The following RCSD1 variants were observed in gnomAD, a reference collection of about 807,000 sequenced individuals.
The protein encoded by RCSD1 is RCSD domain containing 1.
Under a neutral mutation model 42.5 loss-of-function variants are expected in RCSD1, and 26 were observed. The ratio of observed to expected loss-of-function variants is 0.61; its 90% confidence interval spans 0.45 to 0.85. The LOEUF is 0.85. Among genes scored for constraint, RCSD1 ranks in the 40% least tolerant of loss-of-function variants. The pLI is 0.00. For missense variants in RCSD1, 571 were observed against 528.3 expected, an observed-to-expected ratio of 1.08 and a Z score of -0.79; for synonymous variants, 220 against 212.2, an observed-to-expected ratio of 1.04 and a Z score of -0.32.
chr1:167,669,681 C>A (rs1213102818), intron 1 of RCSD1, among the ~76,000 whole-genome samples: 1 of 152,184 alleles, frequency 6.6e-6, no homozygotes, highest in Non-Finnish European at 1.5e-5. Flanking sequence ...ATTTCTTCTG[C>A]GTGTGACCTG....
intron 4 of RCSD1, among the ~76,000 whole-genome samples, chr1:167,691,196 CCAA>C (rs1659367827): frequency 6.6e-6 from 1 of 152,200 alleles, no homozygotes. Context: ...GTAGCACTCT[CCAA>C]CAAGTTGTGA....
In RCSD1 at chr1:167,698,120, C is replaced by T. The variant is rs890677125; in HGVS notation, c.1218+278C>T. ...TGGGTGTGTGTGAGTGACCGAGCCT[C>T]GGCACGGCTCAGTAACTGAGGCCTG... On this transcript the variant is annotated intron_variant, in intron 6 of 6. Transcript: ENST00000367854. Among the ~76,000 whole-genome samples, 5 of 152,194 alleles carry T rather than the reference C, an allele frequency of 3.3e-5. No homozygotes were observed. In the East Asian group the frequency reaches 5.8e-4, roughly 18 times the overall value.
chr1:167,707,217 G>A lies in RCSD1; in HGVS notation c.*2521G>A, dbSNP rs1195904803. ...CTCAGAACTCCAGGCCCCTCACGGA[G>A]ATCACCCTGAACAATGCCCAGTTTT... On this transcript the variant is annotated 3_prime_UTR_variant, in exon 7 of 7. Transcript: ENST00000367854. 6.6e-6 allele frequency among the ~76,000 whole-genome samples: 1 copy of A among 152,186 alleles called. No homozygotes were observed. The highest frequency in any genetic ancestry group is 1.5e-5 in the Non-Finnish European group (1 of 68,038).
intron 1 of RCSD1, chr1:167,664,514 T>C (rs556483938): frequency 6.6e-6 from 1 of 152,370 alleles, no homozygotes; most frequent in South Asian, 2.1e-4. Flanking sequence ...ATATCTACAA[T>C]AAAATTCACC....
chr1:167,675,589 A>G (rs1658932280), intron 1 of RCSD1, among the ~76,000 whole-genome samples: 1 of 152,184 alleles, frequency 6.6e-6, no homozygotes, highest in Non-Finnish European at 1.5e-5. Flanking sequence ...ATTTTGGTTC[A>G]GCTGTTTGAC....
In RCSD1 at chr1:167,676,610, A is replaced by G. The variant is rs571784753; in HGVS notation, c.7-7290A>G. On this transcript the variant is annotated intron_variant, in intron 1 of 6. Coordinates refer to ENST00000367854, the MANE Select transcript of RCSD1 (RefSeq NM_052862.4). Reference sequence around the variant, plus strand: ...TTTTAGAGACAAATTTCCCACCATCATCTCCCAAATTACACTGATAAAATC... The same window carrying G: ...TTTTAGAGACAAATTTCCCACCATCGTCTCCCAAATTACACTGATAAAATC... Among the ~76,000 whole-genome samples, 4 of 152,074 alleles carry G rather than the reference A, an allele frequency of 2.6e-5. No homozygotes were observed. In the East Asian group the frequency reaches 7.7e-4, roughly 29 times the overall value.
intron 1 of RCSD1, among the ~76,000 whole-genome samples, chr1:167,658,330 T>C (rs887301592): frequency 6.6e-6 from 1 of 152,272 alleles, no homozygotes; most frequent in African/African-American, 2.4e-5. Context: ...TTTCTGGTTG[T>C]TGATTTATAA....
chr1:167,681,900 T>C (rs2102229971), intron 1 of RCSD1, among the ~76,000 whole-genome samples: 1 of 152,294 alleles, frequency 6.6e-6, no homozygotes, highest in South Asian at 2.1e-4. Flanking sequence ...GTGTCAAGTC[T>C]AGGAGCCCCT....
chr1:167,688,729 A>G (rs1427486064), intron 3 of RCSD1, among the ~76,000 whole-genome samples: 1 of 152,000 alleles, frequency 6.6e-6, no homozygotes, highest in African/African-American at 2.4e-5. Context: ...CAATCATCTC[A>G]CATTATAAAT....
rs570590471 is a variant in RCSD1 at position 167,679,827 on chromosome 1, G to T, written c.7-4073G>T. Among the ~76,000 whole-genome samples, 69 of 152,320 alleles carry T rather than the reference G, an allele frequency of 4.5e-4. No individual in the cohort carries two copies. In the South Asian group the frequency reaches 5.6e-3, roughly 12 times the overall value. On this transcript the variant is annotated intron_variant, in intron 1 of 6. Coordinates refer to ENST00000367854, the MANE Select transcript of RCSD1 (RefSeq NM_052862.4). ...GGAGAGACAGGGCAGAGCCTAGGAA[G>T]CAGGTAGAGCCTAGTCTGGCCTGTA...
intron 1 of RCSD1, among the ~76,000 whole-genome samples, chr1:167,660,494 C>T (rs1360832656): frequency 1.3e-5 from 2 of 149,288 alleles, no homozygotes; most frequent in Non-Finnish European, 1.5e-5. Context: ...TTTTTAGAAA[C>T]AGGGTCTTAC....
intron 1 of RCSD1, among the ~76,000 whole-genome samples, chr1:167,670,081 G>T (rs746430293): frequency 6.6e-6 from 1 of 152,124 alleles, no homozygotes; most frequent in Non-Finnish European, 1.5e-5. Flanking sequence ...CCTCCAGGTG[G>T]CTGTAACATA....
intron 1 of RCSD1, among the ~76,000 whole-genome samples, chr1:167,681,223 G>T (rs1358063814): frequency 2.0e-5 from 3 of 152,260 alleles, no homozygotes; most frequent in Non-Finnish European, 4.4e-5. Context: ...CATTACTGGA[G>T]TCTCAGGAGT....
intron 1 of RCSD1, among the ~76,000 whole-genome samples, chr1:167,631,381 G>C (rs1043416129): frequency 4.6e-5 from 7 of 152,252 alleles, no homozygotes; most frequent in African/African-American, 1.7e-4. Flanking sequence ...TATTCAAAAG[G>C]AAACATGTGT....
At chr1:167,683,784 T>G (rs775750519) in intron 1 of RCSD1, 116 bp from the exon 2 acceptor site, 74 of 940,770 alleles carry the variant, frequency 7.9e-5, no homozygotes, top group Non-Finnish European at 1.2e-4. Context: ...AGTTGGATAA[T>G]GCTGTTAAAA....
At chr1:167,698,339 T>G (rs965706429) in intron 6 of RCSD1, among the ~76,000 whole-genome samples, 1 of 152,174 alleles carries the variant, frequency 6.6e-6, no homozygotes, top group Non-Finnish European at 1.5e-5. Context: ...AAGCCCAAAG[T>G]GCAAGTGTAG....
At chr1:167,653,203 C>T (rs1488480456) in intron 1 of RCSD1, among the ~76,000 whole-genome samples, 1 of 152,208 alleles carries the variant, frequency 6.6e-6, no homozygotes. Context: ...TCTTCCTAAA[C>T]TATAACTTTG....
intron 4 of RCSD1, among the ~76,000 whole-genome samples, chr1:167,690,396 A>G (rs1339749273): frequency 1.3e-5 from 2 of 152,104 alleles, no homozygotes; most frequent in Non-Finnish European, 2.9e-5. Context: ...AAGAGTCTGT[A>G]TGGGGCTGGG....
intron 3 of RCSD1, among the ~76,000 whole-genome samples, chr1:167,689,644 G>A (rs1005796070): frequency 1.3e-5 from 2 of 152,124 alleles, no homozygotes; most frequent in Non-Finnish European, 2.9e-5. Context: ...CTGGTTTCTT[G>A]TTGTGTGTGT....
Sources: allele counts gnomAD v4.1 joint callset (sites outside exome capture counted in the v4.1 genomes callset), GRCh38; gene constraint gnomAD v4.1.1; transcripts MANE v1.5; gene names NCBI Gene and HGNC (gene_info 2026-07-23, HGNC 2026-07-21).